ATP10B: variants seen among roughly 807,000 people sequenced by gnomAD.
ATP10B encodes the protein phospholipid-transporting ATPase VB.
In ATP10B, 122 loss-of-function variants were observed where a neutral mutation model predicts 141.2. The observed-to-expected ratio is 0.86, with a 90% confidence interval of 0.75 to 1.00. ATP10B has a LOEUF of 1.00. ATP10B is among the 50% of genes least tolerant of loss of function. The probability of loss-of-function intolerance (pLI) is 0.00; values close to 1 mark genes in which losing one functional copy is unlikely to be tolerated. For synonymous variants in ATP10B, 685 were observed against 692.0 expected, an observed-to-expected ratio of 0.99 and a Z score of 0.16; for missense variants, 1,876 against 1,825.3, an observed-to-expected ratio of 1.03 and a Z score of -0.51.
chr5:160,566,801 A>C (rs1754568776), intron 25 of ATP10B, among the ~76,000 whole-genome samples: 1 of 152,218 alleles, frequency 6.6e-6, no homozygotes, highest in Admixed American at 6.5e-5. Flanking sequence ...GAAAAGTAAA[A>C]AAGTAATCTA....
chr5:160,831,060 A>T (rs972670397), intron 1 of ATP10B, among the ~76,000 whole-genome samples: 14 of 150,356 alleles, frequency 9.3e-5, no homozygotes, highest in African/African-American at 3.4e-4. Flanking sequence ...GCTTATATTA[A>T]CTCTCATCTT....
chr5:160,757,828 A>C (rs1044702910), intron 2 of ATP10B, among the ~76,000 whole-genome samples: 2 of 152,178 alleles, frequency 1.3e-5, no homozygotes. Flanking sequence ...AACTATTCGC[A>C]TTTTAGGCTG....
At chr5:160,824,898 C>T (rs1480461274) in intron 1 of ATP10B, among the ~76,000 whole-genome samples, 1 of 152,150 alleles carries the variant, frequency 6.6e-6, no homozygotes, top group Non-Finnish European at 1.5e-5. Flanking sequence ...TAGCTTTGGG[C>T]AAGCCACCTT....
chr5:160,765,821 T>C (rs994858125), intron 2 of ATP10B, among the ~76,000 whole-genome samples: 5 of 151,920 alleles, frequency 3.3e-5, no homozygotes, highest in African/African-American at 1.2e-4. Flanking sequence ...AAAAAACTAA[T>C]ATCCAGAATC....
intron 2 of ATP10B, among the ~76,000 whole-genome samples, chr5:160,780,166 A>G (rs1185692647): frequency 6.6e-6 from 1 of 152,168 alleles, no homozygotes; most frequent in Non-Finnish European, 1.5e-5. Flanking sequence ...TCATTTCAAG[A>G]ATAGATTTTC....
At chr5:160,661,693 A>T (rs917545965) in intron 7 of ATP10B, among the ~76,000 whole-genome samples, 15 of 152,228 alleles carry the variant, frequency 9.9e-5, no homozygotes, top group African/African-American at 2.9e-4. Flanking sequence ...CCAATATCAT[A>T]CTGAATGGGC....
intron 1 of ATP10B, among the ~76,000 whole-genome samples, chr5:160,786,619 A>C (rs1160155125): frequency 6.6e-6 from 1 of 152,144 alleles, no homozygotes. Context: ...TCATTACAGG[A>C]AAGAGTTGAC....
chr5:160,630,134 C>T (rs1473620251), intron 13 of ATP10B, among the ~76,000 whole-genome samples: 3 of 152,216 alleles, frequency 2.0e-5, no homozygotes, highest in Non-Finnish European at 1.5e-5. Flanking sequence ...GTATACTTAG[C>T]TGTTCATAAA....
At chr5:160,704,290 C>A (rs1764850130) in intron 3 of ATP10B, among the ~76,000 whole-genome samples, 1 of 151,616 alleles carries the variant, frequency 6.6e-6, no homozygotes, top group Non-Finnish European at 1.5e-5. Flanking sequence ...CTCCTGACCT[C>A]AAGTGATCCT....
intron 2 of ATP10B, among the ~76,000 whole-genome samples, chr5:160,752,014 A>G (rs1305743327): frequency 6.6e-6 from 1 of 152,124 alleles, no homozygotes; most frequent in African/African-American, 2.4e-5. Context: ...GGAGTTAAAG[A>G]CGGCTGCGGC....
At chr5:160,734,262 G>A (rs759265123) in intron 2 of ATP10B, among the ~76,000 whole-genome samples, 10 of 151,938 alleles carry the variant, frequency 6.6e-5, no homozygotes, top group Non-Finnish European at 5.9e-5. Flanking sequence ...GACACCAGAT[G>A]GAAACTCTTT....
intron 10 of ATP10B, among the ~76,000 whole-genome samples, chr5:160,637,021 C>CATCCATCCATCCATCA (rs1554098774): frequency 8.8e-5 from 4 of 45,620 alleles, no homozygotes; most frequent in Non-Finnish European, 1.4e-4. Context: ...TCCATCTATC[C>CATCCATCCATCCATCA]ATCCATCCAT....
intron 6 of ATP10B, among the ~76,000 whole-genome samples, chr5:160,675,727 G>A (rs916179964): frequency 6.6e-5 from 10 of 152,126 alleles, no homozygotes; most frequent in African/African-American, 2.4e-4. Context: ...TGCAGCATAG[G>A]GATTGAGAGA....
chr5:160,803,005 A>G (rs1772492684), intron 1 of ATP10B, among the ~76,000 whole-genome samples: 1 of 151,808 alleles, frequency 6.6e-6, no homozygotes, highest in Non-Finnish European at 1.5e-5. Context: ...AGCTGAACTC[A>G]CTCTCCTGCA....
intron 1 of ATP10B, among the ~76,000 whole-genome samples, chr5:160,848,374 GA>G (rs1753561705): frequency 6.6e-6 from 1 of 152,132 alleles, no homozygotes; most frequent in Non-Finnish European, 1.5e-5. Flanking sequence ...TGATAGATGA[GA>G]AAATTGAGGC....
At position 160,811,851 on chromosome 5, in the gene ATP10B, A is replaced by T. The variant is rs532324757; in HGVS notation, c.-575-26048T>A. 2.0e-5 allele frequency among the ~76,000 whole-genome samples: 3 copies of T among 152,226 alleles called. No individual in the cohort carries two copies. The East Asian group carries it at 5.8e-4, about 29-fold the overall frequency. ...GAGCTCCAGGGCCTTGAGCGCACAT[A>T]GGCAGTAGCCAGGTAGTAGTTACAC... On this transcript the variant is annotated intron_variant, in intron 1 of 25. Transcript: ENST00000327245.
rs1561611283 is a variant in ATP10B at position 160,569,529 on chromosome 5, C to A, written c.3905G>T (p.Cys1302Phe). The A allele has an allele frequency of 6.2e-7, 1 of 1,613,914 alleles. No individual in the cohort carries two copies. Among genetic ancestry groups the A allele is most frequent in the East Asian group, 2.2e-5 (1 of 44,852 alleles). The change falls in exon 25 of 26, where the codon TGC (cysteine) becomes TTC (phenylalanine). Residue 1302 changes from cysteine (C) to phenylalanine (F), a missense_variant. Transcript: ENST00000327245. ...AAGAGCAACAACTGGTGTGAGAAAG[C>A]AGACGAGGTAGAAAGTGGGGTTTGA... ...QLSNPTFYLV[C>F]FLTPVVALLP...
Position 160,634,405 on chromosome 5 carries a change from C to G in ATP10B, c.1330G>C (p.Val444Leu). 1 of 1,614,160 alleles carries G rather than the reference C, an allele frequency of 6.2e-7. No individual in the cohort carries two copies. The highest frequency in any genetic ancestry group is 8.5e-7 in the Non-Finnish European group (1 of 1,180,024). ...KTGTLTENKMVFRRCTIMGSE... is the reference protein window; with the variant it reads ...KTGTLTENKMLFRRCTIMGSE... ...CCCATGATGGTGCAACGTCGGAACA[C>G]CATCTTGTTCTCTGTCAGGGTCCCC... The change falls in exon 12 of 26, where the codon GTG becomes CTG. Residue 444 changes from valine to leucine, a missense_variant. Val to Leu is a conservative substitution (Grantham distance 32). Coordinates refer to ENST00000327245, the MANE Select transcript of ATP10B (RefSeq NM_025153.3).
At chr5:160,689,178 C>A (rs955082483) in intron 3 of ATP10B, among the ~76,000 whole-genome samples, 1 of 152,148 alleles carries the variant, frequency 6.6e-6, no homozygotes, top group African/African-American at 2.4e-5. Context: ...AAATTCAACA[C>A]CCTTCATGCT....
Sources: gnomAD v4.1 joint callset for allele counts (sites outside exome capture counted in the v4.1 genomes callset) on GRCh38, gnomAD v4.1.1 for gene constraint, MANE v1.5 for transcripts, NCBI Gene and HGNC (gene_info 2026-07-23, HGNC 2026-07-21) for gene names.